Variants in ADAM32 observed in about 807,000 individuals in gnomAD.
The protein encoded by ADAM32 is ADAM metallopeptidase domain 32, also known as disintegrin and metalloproteinase domain-containing protein 32.
Under a neutral mutation model 114.9 loss-of-function variants are expected in ADAM32, and 89 were observed. That is an observed-to-expected ratio of 0.77 (90% CI 0.65 to 0.92). The LOEUF (loss-of-function observed/expected upper bound fraction) is 0.92. Among genes scored for constraint, ADAM32 ranks in the 40% least tolerant of loss-of-function variants. The probability of loss-of-function intolerance (pLI) is 0.00; values close to 1 mark genes in which losing one functional copy is unlikely to be tolerated. For missense variants in ADAM32, 870 were observed against 932.8 expected (o/e 0.93, Z 0.88); for synonymous variants, 285 against 307.5 (o/e 0.93, Z 0.77).
At chr8:39,196,854 C>G (rs766121086) in intron 11 of ADAM32, among the ~76,000 whole-genome samples, 6 of 151,908 alleles carry the variant, frequency 3.9e-5, no homozygotes, top group Non-Finnish European at 7.4e-5. Flanking sequence ...TGGCCTCCCT[C>G]AAGACTGAGT....
Position 39,196,529 on chromosome 8 carries a change from A to G in ADAM32, c.1052+9484A>G, listed in dbSNP as rs376819385. 2.6e-4 allele frequency among the ~76,000 whole-genome samples: 39 copies of G among 152,194 alleles called. 1 individual carries two copies. In the East Asian group the frequency reaches 4.2e-3, roughly 17 times the overall value. ...TTTTTTCTATATCTAACTTATTGAT[A>G]GTATTTATCATGAAGCCATGTTGAA... On this transcript the variant is annotated intron_variant, in intron 11 of 24. Transcript: ENST00000379907.
chr8:39,225,662 G>A (rs556849961), intron 14 of ADAM32, among the ~76,000 whole-genome samples: 4 of 152,206 alleles, frequency 2.6e-5, no homozygotes, highest in African/African-American at 9.6e-5. Context: ...AGGACCCCCT[G>A]GAATCTTTGT....
intron 9 of ADAM32, chr8:39,165,764 T>C (rs1296275077): frequency 2.0e-5 from 3 of 152,174 alleles, no homozygotes; most frequent in Non-Finnish European, 4.4e-5. Flanking sequence ...TTAAGTTTGG[T>C]ATGTCAGTGT....
chr8:39,210,991 A>C (rs918736707), intron 11 of ADAM32, among the ~76,000 whole-genome samples, 153 bp from the exon 12 acceptor site: 3 of 152,218 alleles, frequency 2.0e-5, no homozygotes, highest in African/African-American at 7.2e-5. Flanking sequence ...ATAAAATCAC[A>C]TGACATCCTC....
At chr8:39,122,235 G>A (rs1001243972) in intron 2 of ADAM32, among the ~76,000 whole-genome samples, 8 of 152,246 alleles carry the variant, frequency 5.3e-5, no homozygotes, top group Admixed American at 2.6e-4. Context: ...TTTGGGGGGC[G>A]CACCATAGGG....
At chr8:39,109,558 AT>A (rs1171454075) in intron 1 of ADAM32, among the ~76,000 whole-genome samples, 1 of 152,074 alleles carries the variant, frequency 6.6e-6, no homozygotes, top group Non-Finnish European at 1.5e-5. Flanking sequence ...AAAAAATAAA[AT>A]AAAAAAAAAA....
chr8:39,198,448 G>C (rs1807160285), intron 11 of ADAM32, among the ~76,000 whole-genome samples: 1 of 152,022 alleles, frequency 6.6e-6, no homozygotes, highest in Admixed American at 6.6e-5. Context: ...TGTGATCTTG[G>C]CTCACTGCAA....
rs774129995 is a variant in ADAM32 at position 39,151,381 on chromosome 8, A to G, written c.358A>G (p.Ile120Val). Residue 120 changes from isoleucine (I) to valine (V), a missense_variant, in exon 6 of 25, where the codon ATA becomes GTA. Coordinates refer to ENST00000379907, the MANE Select transcript of ADAM32 (RefSeq NM_145004.7). ...TLSTCSGLRG[I>V]LQFENVSYGI... Reference sequence around the variant, plus strand: ...ATTGTATTCATAATTTCACAGAGGAATACTGCAATTTGAAAATGTTTCTTA... The same window carrying G: ...ATTGTATTCATAATTTCACAGAGGAGTACTGCAATTTGAAAATGTTTCTTA... 1 of 1,589,746 alleles carries G rather than the reference A, an allele frequency of 6.3e-7. No individual in the cohort carries two copies.
At chr8:39,130,588 T>C (rs549730041) in intron 2 of ADAM32, among the ~76,000 whole-genome samples, 7 of 152,308 alleles carry the variant, frequency 4.6e-5, no homozygotes, top group Non-Finnish European at 8.8e-5. Context: ...AATTATGCTA[T>C]GGTGTGTTTT....
intron 14 of ADAM32, among the ~76,000 whole-genome samples, chr8:39,227,507 G>A (rs967083631): frequency 6.6e-6 from 1 of 152,084 alleles, no homozygotes; most frequent in African/African-American, 2.4e-5. Context: ...GTGGGAGTGA[G>A]ACAGGCCCTT....
At chr8:39,259,485 GT>G (rs1244595041) in intron 19 of ADAM32, among the ~76,000 whole-genome samples, 41 of 151,140 alleles carry the variant, frequency 2.7e-4, no homozygotes, top group African/African-American at 9.7e-4. Context: ...TTCTGTTTTT[GT>G]TTTAGTGATT....
chr8:39,200,443 C>G (rs186840016), intron 11 of ADAM32, among the ~76,000 whole-genome samples: 2 of 76,188 alleles, frequency 2.6e-5, no homozygotes, highest in South Asian at 4.9e-4. Flanking sequence ...GTCTGTTCAT[C>G]TCCTTCGCCC....
chr8:39,151,933 G>T (rs913654558), intron 6 of ADAM32, among the ~76,000 whole-genome samples: 1 of 151,924 alleles, frequency 6.6e-6, no homozygotes, highest in Non-Finnish European at 1.5e-5. Flanking sequence ...AAAATGTTGA[G>T]ATTACAGGCA....
At chr8:39,152,720 CAAAAAAAAA>C (rs112877602) in intron 6 of ADAM32, among the ~76,000 whole-genome samples, 1 of 136,902 alleles carries the variant, frequency 7.3e-6, no homozygotes, top group African/African-American at 3.1e-5. Flanking sequence ...GACTCCATCT[CAAAAAAAAA>C]AAAAAAAAAA....
Position 39,159,502 on chromosome 8 carries a change from C to T in ADAM32, c.526-1395C>T, listed in dbSNP as rs183563571. On this transcript the variant is annotated intron_variant, in intron 6 of 24. Coordinates refer to ENST00000379907, the MANE Select transcript of ADAM32 (RefSeq NM_145004.7). ...TCCAGCCTTGGACATGTGGGTGGCCCTCTAGATTTCCCAGTATATGCCTGA... is the reference window on the plus strand; with the variant it reads ...TCCAGCCTTGGACATGTGGGTGGCCTTCTAGATTTCCCAGTATATGCCTGA... 9.4e-4 allele frequency among the ~76,000 whole-genome samples: 143 copies of T among 152,288 alleles called. 1 individual carries two copies. Among genetic ancestry groups the T allele is most frequent in the African/African-American group, 3.2e-3 (135 of 41,570 alleles).
chr8:39,130,956 C>CT (rs71218310), intron 2 of ADAM32: 13,722 of 327,670 alleles, frequency 0.042, 138 homozygotes, highest in Middle Eastern at 0.07. Context: ...AGGAGGATGT[C>CT]TTTTTTTTTT....
At chr8:39,252,774 G>T (rs1811386779) in intron 17 of ADAM32, among the ~76,000 whole-genome samples, 1 of 151,582 alleles carries the variant, frequency 6.6e-6, no homozygotes, top group African/African-American at 2.4e-5. Flanking sequence ...AGAAGATACT[G>T]TGGTGTATAT....
chr8:39,139,690 A>AT (rs1803025800), intron 3 of ADAM32, among the ~76,000 whole-genome samples: 1 of 152,022 alleles, frequency 6.6e-6, no homozygotes, highest in Non-Finnish European at 1.5e-5. Context: ...ACTTTAAAGT[A>AT]TTTTTTTCCA....
chr8:39,189,501 G>A (rs537190071), intron 11 of ADAM32, among the ~76,000 whole-genome samples: 2 of 151,838 alleles, frequency 1.3e-5, no homozygotes, highest in Non-Finnish European at 2.9e-5. Context: ...TATAATAATT[G>A]TACATATTTA....
Sources: allele counts gnomAD v4.1 joint callset (sites outside exome capture counted in the v4.1 genomes callset), GRCh38; gene constraint gnomAD v4.1.1; transcripts MANE v1.5; gene names NCBI Gene and HGNC (gene_info 2026-07-23, HGNC 2026-07-21).